RUNX2: variants seen among roughly 807,000 people sequenced by gnomAD.
RUNX2 encodes the protein RUNX family transcription factor 2.
In RUNX2, 10 loss-of-function variants were observed where a neutral mutation model predicts 51.7. The observed-to-expected ratio is 0.19, with a 90% CI of 0.12 to 0.33. The LOEUF (loss-of-function observed/expected upper bound fraction) is 0.33, where lower values mean the gene tolerates loss of function less well. Among genes scored for constraint, RUNX2 ranks in the 10% least tolerant of loss-of-function variants. The pLI, the probability that RUNX2 is intolerant of heterozygous loss-of-function variation, is 1.00. For synonymous variants in RUNX2, 276 were observed against 273.6 expected (o/e 1.01, Z -0.09); for missense variants, 562 against 691.3 (o/e 0.81, Z 2.10).
At chr6:45,385,511 T>G (rs566996557) in intron 2 of RUNX2, among the ~76,000 whole-genome samples, 51 of 152,288 alleles carry the variant, frequency 3.3e-4, no homozygotes, top group African/African-American at 1.2e-3. Context: ...AAGCTCTGTG[T>G]GGGCACAGCA....
At chr6:45,542,744 G>A (rs1802269804) in intron 7 of RUNX2, among the ~76,000 whole-genome samples, 1 of 152,206 alleles carries the variant, frequency 6.6e-6, no homozygotes, top group African/African-American at 2.4e-5. Flanking sequence ...AAGATAGCAG[G>A]TGTGTATGTG....
At chr6:45,354,268 A>G (rs1486966114) in intron 2 of RUNX2, among the ~76,000 whole-genome samples, 1 of 152,168 alleles carries the variant, frequency 6.6e-6, no homozygotes, top group Admixed American at 6.5e-5. Context: ...TAAAAATAAT[A>G]TGATAGATAT....
Position 45,383,852 on chromosome 6 carries a change from A to G in RUNX2, c.59-38741A>G, listed in dbSNP as rs114537483. On this transcript the variant is annotated intron_variant, in intron 2 of 8. Transcript: ENST00000647337. ...GTGGCTAAGGCAACCTGTTATTCCT[A>G]CTTCACATTCTGAAGGTGGATGCAA... Among the ~76,000 whole-genome samples, 805 of 152,306 alleles carry G rather than the reference A, an allele frequency of 5.3e-3. 6 individuals carry two copies. Among genetic ancestry groups the G allele is most frequent in the African/African-American group, 0.018 (750 of 41,564 alleles).
Position 45,547,089 on chromosome 6 carries a change from G to A in RUNX2, c.1350G>A (p.Ser450=), listed in dbSNP as rs778422878. The A allele has an allele frequency of 8.0e-5, 129 of 1,613,928 alleles. No homozygotes were observed. Among genetic ancestry groups the A allele is most frequent in the Non-Finnish European group, 1.0e-4 (122 of 1,180,018 alleles). The change falls in exon 9 of 9, where the codon TCG becomes TCA. Residue 450 remains serine (S), a synonymous_variant. Coordinates refer to ENST00000647337, the MANE Select transcript of RUNX2 (RefSeq NM_001024630.4). ...CTCCATATCTCTACTATGGCACTTCGTCAGGATCCTATCAGTTTCCCATGG... is the reference window on the plus strand; with the variant it reads ...CTCCATATCTCTACTATGGCACTTCATCAGGATCCTATCAGTTTCCCATGG... ...SSTPYLYYGT[S]SGSYQFPMVP...
chr6:45,504,376 A>C (rs1191182430), intron 6 of RUNX2, among the ~76,000 whole-genome samples: 1 of 152,214 alleles, frequency 6.6e-6, no homozygotes, highest in Non-Finnish European at 1.5e-5. Flanking sequence ...TAACCCACCC[A>C]TTCCCATGTT....
chr6:45,444,760 G>A (rs1167021280), intron 5 of RUNX2, among the ~76,000 whole-genome samples: 1 of 152,186 alleles, frequency 6.6e-6, no homozygotes, highest in East Asian at 1.9e-4. Flanking sequence ...TGAGTGAACA[G>A]ACTTAACGAA....
At position 45,537,740 on chromosome 6, in the gene RUNX2, C is replaced by T. The variant is rs575653316; in HGVS notation, c.1022-7477C>T. ...TTCTAGTTCCCAGCCCATCATCAAG[C>T]AGCTTCAAGTCAGAACATTCCTGCA... On this transcript the variant is annotated intron_variant, in intron 7 of 8. Transcript: ENST00000647337. Among the ~76,000 whole-genome samples the T allele has an allele frequency of 1.4e-4, 22 of 152,270 alleles. No homozygotes were observed. In the South Asian group the frequency reaches 2.1e-3, roughly 14 times the overall value.
chr6:45,509,679 C>T (rs1387814280), intron 6 of RUNX2, among the ~76,000 whole-genome samples: 1 of 152,236 alleles, frequency 6.6e-6, no homozygotes, highest in Non-Finnish European at 1.5e-5. Context: ...CAACTCAGAT[C>T]CTCTCACTAG....
Position 45,480,615 on chromosome 6 carries a change from A to G in RUNX2, c.686-11326A>G, listed in dbSNP as rs115863662. 8.0e-3 allele frequency among the ~76,000 whole-genome samples: 1,214 copies of G among 152,334 alleles called. 17 individuals are homozygous for G. The highest frequency in any genetic ancestry group is 0.028 in the African/African-American group (1,144 of 41,578). The stretch of plus-strand genomic sequence containing the variant: ...GGTTAGAAGACACTGACATGTGCCT[A>G]TGCACTGTATTAATGTCTAGCAAGC... On this transcript the variant is annotated intron_variant, in intron 5 of 8. Transcript: ENST00000647337.
chr6:45,486,877 T>A (rs1800299573), intron 5 of RUNX2, among the ~76,000 whole-genome samples: 1 of 152,178 alleles, frequency 6.6e-6, no homozygotes, highest in African/African-American at 2.4e-5. Context: ...ACAGACCACA[T>A]TTTCAGAGTC....
rs1802485669 is a variant in RUNX2, at chr6:45,549,040, G to C, written c.*1735G>C. The C allele has an allele frequency of 2.5e-6, 1 of 398,110 alleles. No individual in the cohort carries two copies. Among genetic ancestry groups the C allele is most frequent in the Non-Finnish European group, 4.4e-6 (1 of 226,078 alleles). 24.7% of individuals were successfully genotyped at this position (398,110 alleles called of 1,614,324 possible). On this transcript the variant is annotated 3_prime_UTR_variant, in exon 9 of 9. Transcript: ENST00000647337. The stretch of plus-strand genomic sequence containing the variant: ...ACAATGGAGGGCCAAGGAGGGCAAG[G>C]GGCTGTGGAGTTTGGTGTCTACTAG...
rs565887182 is a variant in RUNX2 at position 45,498,146 on chromosome 6, C to G, written c.859+6032C>G. Among the ~76,000 whole-genome samples the G allele has an allele frequency of 4.6e-5, 7 of 152,254 alleles. No homozygotes were observed. The South Asian group carries it at 1.5e-3, about 32-fold the overall frequency. On this transcript the variant is annotated intron_variant, in intron 6 of 8. Transcript: ENST00000647337. ...GCTCCATGGCCCTGTGTACTTACCACCAAGTACTCTTGGGAAGCTGAAAGG... is the reference window on the plus strand; with the variant it reads ...GCTCCATGGCCCTGTGTACTTACCAGCAAGTACTCTTGGGAAGCTGAAAGG...
At chr6:45,446,420 T>C (rs1798999913) in intron 5 of RUNX2, among the ~76,000 whole-genome samples, 1 of 152,118 alleles carries the variant, frequency 6.6e-6, no homozygotes, top group South Asian at 2.1e-4. Context: ...AAGTCAGAGA[T>C]CATTCATTCT....
At chr6:45,541,983 T>C (rs1283319657) in intron 7 of RUNX2, among the ~76,000 whole-genome samples, 2 of 152,094 alleles carry the variant, frequency 1.3e-5, no homozygotes, top group South Asian at 4.1e-4. Flanking sequence ...GTGACTGTTA[T>C]GAAGTTCTGA....
At chr6:45,473,329 T>A (rs564538989) in intron 5 of RUNX2, among the ~76,000 whole-genome samples, 1 of 151,940 alleles carries the variant, frequency 6.6e-6, no homozygotes, top group African/African-American at 2.4e-5. Flanking sequence ...CTTTGGGAGA[T>A]GTAGTATTTC....
intron 5 of RUNX2, among the ~76,000 whole-genome samples, chr6:45,443,872 C>T (rs958544097): frequency 2.0e-5 from 3 of 151,664 alleles, no homozygotes; most frequent in Non-Finnish European, 4.4e-5. Context: ...GGTTTTTTTT[C>T]AATTTTTAAA....
At chr6:45,425,221 A>G (rs1017757559) in intron 3 of RUNX2, among the ~76,000 whole-genome samples, 2 of 152,356 alleles carry the variant, frequency 1.3e-5, no homozygotes, top group East Asian at 3.9e-4. Flanking sequence ...TTTAAGGTCT[A>G]TCTTGAACTG....
chr6:45,494,585 C>T (rs1328970580), intron 6 of RUNX2, among the ~76,000 whole-genome samples: 1 of 151,972 alleles, frequency 6.6e-6, no homozygotes, highest in Non-Finnish European at 1.5e-5. Flanking sequence ...TGTCCACATA[C>T]ATACTTGTCA....
chr6:45,422,619 C>G lies in RUNX2; in HGVS notation c.85C>G (p.Pro29Ala). 1.9e-6 allele frequency: 3 copies of G among 1,607,086 alleles called. No homozygotes were observed. Among genetic ancestry groups the G allele is most frequent in the African/African-American group, 1.3e-5 (1 of 74,726 alleles). The change falls in exon 3 of 9, where the codon CCC becomes GCC. Residue 29 changes from proline (P) to alanine (A), a missense_variant. By Grantham distance (27) the Pro-to-Ala change is conservative. Coordinates refer to ENST00000647337, the MANE Select transcript of RUNX2 (RefSeq NM_001024630.4). ...WDPSTSRRFS[P>A]PSSSLQPGKM... is the part of the protein sequence containing the mutation. ...TCCGAGCACCAGCCGGCGCTTCAGC[C>G]CCCCCTCCAGCAGCCTGCAGCCCGG...
Sources: allele counts gnomAD v4.1 joint callset (sites outside exome capture counted in the v4.1 genomes callset), GRCh38; gene constraint gnomAD v4.1.1; transcripts MANE v1.5; gene names NCBI Gene and HGNC (gene_info 2026-07-23, HGNC 2026-07-21).